Variants in KIF1B observed in about 807,000 individuals in gnomAD.
KIF1B encodes kinesin family member 1B, also known as kinesin-like protein KIF1B.
In KIF1B, 76 loss-of-function variants were observed where a neutral mutation model predicts 241.9. The observed-to-expected ratio is 0.31, with a 90% confidence interval of 0.26 to 0.38. The LOEUF (loss-of-function observed/expected upper bound fraction) is 0.38, where lower values mean the gene tolerates loss of function less well. KIF1B is among the 10% of genes least tolerant of loss of function. The probability of loss-of-function intolerance (pLI) is 1.00; values close to 1 mark genes in which losing one functional copy is unlikely to be tolerated. For synonymous variants in KIF1B, 750 were observed against 796.7 expected (o/e 0.94, Z 0.99); for missense variants, 1,622 against 2,271.4 (o/e 0.71, Z 5.81).
chr1:10,229,892 A>G lies in KIF1B; in HGVS notation c.-79-2358A>G, dbSNP rs923688666. 2.5e-3 allele frequency among the ~76,000 whole-genome samples: 376 copies of G among 149,474 alleles called. 2 individuals carry two copies. The highest frequency in any genetic ancestry group is 8.9e-3 in the African/African-American group (363 of 40,618). On this transcript the variant is annotated intron_variant, in intron 1 of 48. Coordinates refer to ENST00000676179, the MANE Select transcript of KIF1B (RefSeq NM_001365951.3). ...CAAAAAAAAAAAAAAAAAAAAAAAA[A>G]AAAGAAAAGAAAATTAGGGGCCAGA...
Position 10,303,767 on chromosome 1 carries a change from T to A in KIF1B, c.2115+6521T>A. On this transcript the variant is annotated intron_variant, in intron 22 of 48. Transcript: ENST00000676179. This position sits in a 1 kb window ranked among gnomAD's most constrained non-coding sequence, Gnocchi z 5.2. ...AAAATGGAAAAAGTCTTGCCACTGATCGGATCTCAGGAACAGAAAAGCCCA... is the reference window on the plus strand; with the variant it reads ...AAAATGGAAAAAGTCTTGCCACTGAACGGATCTCAGGAACAGAAAAGCCCA... The A allele has an allele frequency of 6.2e-7, 1 of 1,614,118 alleles. No homozygotes were observed. The highest frequency in any genetic ancestry group is 8.5e-7 in the Non-Finnish European group (1 of 1,180,006).
At chr1:10,271,663 A>G in intron 8 of KIF1B, 84 bp downstream of exon 8, 2 of 937,892 alleles carry the variant, frequency 2.1e-6, no homozygotes, top group South Asian at 2.6e-5. Context: ...AAACACAGCT[A>G]CATACATTTG....
intron 2 of KIF1B, among the ~76,000 whole-genome samples, chr1:10,248,293 G>T (rs1647270188): frequency 6.6e-6 from 1 of 152,036 alleles, no homozygotes; most frequent in South Asian, 2.1e-4. Context: ...TCAACTTCCT[G>T]GGTGCAAATG....
chr1:10,377,587 A>G lies in KIF1B; in HGVS notation c.*1000A>G, dbSNP rs1033866733. On this transcript the variant is annotated 3_prime_UTR_variant, in exon 49 of 49. Coordinates refer to ENST00000676179, the MANE Select transcript of KIF1B (RefSeq NM_001365951.3). ...GCCATGTCATACACAAATGTTCCACAAGGCGGGAGTGTTTCACTTTCTGGT... is the reference window on the plus strand; with the variant it reads ...GCCATGTCATACACAAATGTTCCACGAGGCGGGAGTGTTTCACTTTCTGGT... 4.6e-6 allele frequency: 1 copy of G among 217,546 alleles called. No homozygotes were observed. The highest frequency in any genetic ancestry group is 6.7e-5 in the East Asian group (1 of 14,816). 13.5% of individuals were successfully genotyped at this position (217,546 alleles called of 1,614,324 possible). A position where few individuals can be genotyped will look rare whatever the true frequency, so the allele number is the denominator to read the frequency against.
intron 27 of KIF1B, among the ~76,000 whole-genome samples, chr1:10,331,537 AGTTAT>A (rs1651921559): frequency 6.6e-6 from 1 of 152,118 alleles, no homozygotes; most frequent in African/African-American, 2.4e-5. Flanking sequence ...TTTATGCTCT[AGTTAT>A]GTTAACATTT....
At chr1:10,351,963 A>C (rs1221967338) in intron 37 of KIF1B, among the ~76,000 whole-genome samples, 1 of 141,700 alleles carries the variant, frequency 7.1e-6, no homozygotes, top group Non-Finnish European at 1.5e-5. Flanking sequence ...ACAGACCAAG[A>C]CATTGTTTCA....
intron 38 of KIF1B, among the ~76,000 whole-genome samples, chr1:10,358,386 C>T (rs1638318027): frequency 6.6e-6 from 1 of 152,170 alleles, no homozygotes; most frequent in Admixed American, 6.5e-5. Flanking sequence ...TGGTTTGGAA[C>T]TTAATGAAGG....
At chr1:10,217,652 C>T (rs1646787128) in intron 1 of KIF1B, among the ~76,000 whole-genome samples, 1 of 151,934 alleles carries the variant, frequency 6.6e-6, no homozygotes, top group South Asian at 2.1e-4. Context: ...ATACTTTTCC[C>T]CTGAAATCTG....
At position 10,337,622 on chromosome 1, in the gene KIF1B, G is replaced by C; in HGVS notation, c.3422+89G>C. ...TGTAGAGTGCTTTACATGTGTGAGG[G>C]ATTAACACTCTTGAGACAAAGACTG... On this transcript the variant is annotated intron_variant, in intron 31 of 48. Coordinates refer to ENST00000676179, the MANE Select transcript of KIF1B (RefSeq NM_001365951.3). This position sits in a 1 kb window ranked among gnomAD's most constrained non-coding sequence, Gnocchi z 4.0. 1 of 1,379,950 alleles carries C rather than the reference G, an allele frequency of 7.2e-7. No individual in the cohort carries two copies. The highest frequency in any genetic ancestry group is 1.0e-6 in the Non-Finnish European group (1 of 971,954). The allele number at this position is 1,379,950 out of a possible 1,614,324, so 85.5% of individuals were successfully genotyped here.
intron 38 of KIF1B, among the ~76,000 whole-genome samples, chr1:10,356,195 A>AC (rs886238229): frequency 5.9e-5 from 9 of 152,000 alleles, no homozygotes; most frequent in Admixed American, 2.6e-4. Flanking sequence ...GTGAAACCCC[A>AC]TCTTTACTAA....
At chr1:10,212,348 G>A (rs769484680) in intron 1 of KIF1B, among the ~76,000 whole-genome samples, 2 of 152,198 alleles carry the variant, frequency 1.3e-5, no homozygotes, top group Non-Finnish European at 2.9e-5. Context: ...AGCAAGTGTT[G>A]TTAATGTATT....
Position 10,380,872 on chromosome 1 carries a change from TC to T in KIF1B, c.*4287del. 1 of 219,072 alleles carries T rather than the reference TC, an allele frequency of 4.6e-6. No homozygotes were observed. Among genetic ancestry groups the T allele is most frequent in the Non-Finnish European group, 9.2e-6 (1 of 108,842 alleles). The allele number at this position is 219,072 out of a possible 1,614,324, so 13.6% of individuals were successfully genotyped here. ...TAGCAGGAATGTTTTAATTTGTGCT[TC>T]CTTAGTAAATTGAAATATCAGCTGA... is the stretch of plus-strand genomic sequence containing the variant. On this transcript the variant is annotated 3_prime_UTR_variant, in exon 49 of 49. Coordinates refer to ENST00000676179, the MANE Select transcript of KIF1B (RefSeq NM_001365951.3).
chr1:10,324,704 A>G, intron 25 of KIF1B, 54 bp from the exon 26 acceptor site: 1 of 1,599,100 alleles, frequency 6.3e-7, no homozygotes, highest in Non-Finnish European at 8.6e-7. Context: ...CCAAAGTGAA[A>G]GTTTAATGCA....
At position 10,278,076 on chromosome 1, in the gene KIF1B, G is replaced by A; in HGVS notation, c.1128G>A (p.Val376=). ...TGGTTCGTGAATTAAAGGAGGAGGT[G>A]ACACGGCTGAAGGACCTTCTTCGTG... is the stretch of plus-strand genomic sequence containing the variant. ...AKLVRELKEE[V]TRLKDLLRAQ... Residue 376 remains valine (V), a synonymous_variant, in exon 13 of 49, where the codon GTG becomes GTA. Coordinates refer to ENST00000676179, the MANE Select transcript of KIF1B (RefSeq NM_001365951.3). 1 of 1,614,080 alleles carries A rather than the reference G, an allele frequency of 6.2e-7. No homozygotes were observed. The highest frequency in any genetic ancestry group is 8.5e-7 in the Non-Finnish European group (1 of 1,179,958).
intron 27 of KIF1B, among the ~76,000 whole-genome samples, chr1:10,330,511 T>C (rs1195545714): frequency 4.4e-5 from 6 of 135,956 alleles, no homozygotes; most frequent in African/African-American, 1.4e-4. Flanking sequence ...TGTTTTTGAA[T>C]AGCTATTTTT....
intron 5 of KIF1B, among the ~76,000 whole-genome samples, chr1:10,264,854 G>T (rs1349593230): frequency 6.6e-6 from 1 of 152,120 alleles, no homozygotes; most frequent in African/African-American, 2.4e-5. Context: ...GTAGACACAG[G>T]GTTTCACCAT....
rs1196063113 is a variant in KIF1B at position 10,304,250 on chromosome 1, C to G, written c.2115+7004C>G. 62 of 1,614,024 alleles carry G rather than the reference C, an allele frequency of 3.8e-5. No individual in the cohort carries two copies. The highest frequency in any genetic ancestry group is 4.4e-5 in the Non-Finnish European group (52 of 1,180,038). ...AAGGATCCCCAGTTTCCATGGGGCT[C>G]TCAAGGAATGAGAAGTCAAGATCAC... On this transcript the variant is annotated intron_variant, in intron 22 of 48. Transcript: ENST00000676179.
intron 14 of KIF1B, among the ~76,000 whole-genome samples, chr1:10,281,659 A>G (rs1050901089): frequency 1.3e-5 from 2 of 152,212 alleles, no homozygotes; most frequent in African/African-American, 4.8e-5. Flanking sequence ...TGTTGAGGCA[A>G]TCAATTAGTC....
At chr1:10,301,870 C>T (rs921429176) in intron 22 of KIF1B, among the ~76,000 whole-genome samples, 1 of 152,166 alleles carries the variant, frequency 6.6e-6, no homozygotes, top group Non-Finnish European at 1.5e-5. Flanking sequence ...AGAGCGATTG[C>T]TTATTATCTA....
Sources: gnomAD v4.1 joint callset for allele counts (sites outside exome capture counted in the v4.1 genomes callset) on GRCh38, gnomAD v4.1.1 for gene constraint, Gnocchi (gnomAD v3.1) non-coding constraint, MANE v1.5 for transcripts, NCBI Gene and HGNC (gene_info 2026-07-23, HGNC 2026-07-21) for gene names.